The following BLTP3A variants were observed in gnomAD, a reference collection of about 807,000 sequenced individuals.
BLTP3A encodes bridge-like lipid transfer protein family member 3A.
the BLTP3A span, among the ~76,000 whole-genome samples, chr6:34,869,783 C>A: frequency 6.6e-6 from 1 of 151,300 alleles, no homozygotes; most frequent in African/African-American, 2.4e-5. Flanking sequence ...TCCTCAGTAG[C>A]CAGGACTACA....
At chr6:34,863,631 A>C in the BLTP3A span, among the ~76,000 whole-genome samples, 4 of 152,180 alleles carry the variant, frequency 2.6e-5, no homozygotes, top group Non-Finnish European at 4.4e-5. Flanking sequence ...GGTGCCTTAC[A>C]TACAGAAGCA....
At chr6:34,834,985 C>T in the BLTP3A span, 1 of 1,266,946 alleles carries the variant, frequency 7.9e-7, no homozygotes, top group Non-Finnish European at 1.1e-6. Flanking sequence ...GGGGGAAGGC[C>T]TGTAAATCAG....
the BLTP3A span, chr6:34,857,835 A>G: frequency 1.9e-6 from 3 of 1,614,140 alleles, no homozygotes; most frequent in South Asian, 1.1e-5. Flanking sequence ...AGCTTGGAGC[A>G]GTTCAAAGCT....
At chr6:34,855,777 T>C in the BLTP3A span, 28 of 1,600,142 alleles carry the variant, frequency 1.7e-5, no homozygotes, top group South Asian at 3.0e-4. Context: ...GATTCATCCC[T>C]GACCGCTTAA....
At chr6:34,834,098 T>A in the BLTP3A span, 5 of 1,131,978 alleles carry the variant, frequency 4.4e-6, no homozygotes, top group Non-Finnish European at 6.2e-6. Context: ...CAAGAACCTG[T>A]CTCAAAAAAA....
chr6:34,856,207 G>T, the BLTP3A span: 1 of 1,599,840 alleles, frequency 6.3e-7, no homozygotes, highest in African/African-American at 1.3e-5. Flanking sequence ...CATGATCTTG[G>T]GCTAAAATCT....
chr6:34,864,308 C>A, the BLTP3A span: 2 of 1,114,298 alleles, frequency 1.8e-6, no homozygotes, highest in Non-Finnish European at 2.5e-6. Context: ...ATAATATAGA[C>A]ATTTTCTTAA....
At chr6:34,857,429 A>G in the BLTP3A span, 1 of 1,614,182 alleles carries the variant, frequency 6.2e-7, no homozygotes, top group Non-Finnish European at 8.5e-7. Context: ...ATTCATATTG[A>G]GTTCACAGAG....
At chr6:34,835,530 A>C in the BLTP3A span, 1 of 1,510,254 alleles carries the variant, frequency 6.6e-7, no homozygotes, top group Non-Finnish European at 8.9e-7. Flanking sequence ...AACTCATACT[A>C]ATGTAGGTGG....
chr6:34,871,836 C>T, the BLTP3A span: 2 of 1,614,126 alleles, frequency 1.2e-6, no homozygotes. Flanking sequence ...TCAGGACAAA[C>T]CATCAGCTGA....
At chr6:34,805,897 C>T in the BLTP3A span, among the ~76,000 whole-genome samples, 1 of 152,058 alleles carries the variant, frequency 6.6e-6, no homozygotes, top group Non-Finnish European at 1.5e-5. Context: ...ATTATAAAAG[C>T]TTGTAGACTG....
At chr6:34,846,498 G>T in the BLTP3A span, among the ~76,000 whole-genome samples, 2 of 152,046 alleles carry the variant, frequency 1.3e-5, no homozygotes, top group Non-Finnish European at 1.5e-5. Context: ...CACTTCTCTG[G>T]TTAAGTTTAT....
chr6:34,814,117 A>G, the BLTP3A span, among the ~76,000 whole-genome samples: 1 of 152,138 alleles, frequency 6.6e-6, no homozygotes, highest in Admixed American at 6.6e-5. Flanking sequence ...CCTGGGTTCA[A>G]GCAATTCTTG....
chr6:34,835,226 G>T, the BLTP3A span: 10 of 1,531,288 alleles, frequency 6.5e-6, no homozygotes, highest in East Asian at 2.0e-4. Flanking sequence ...AACTGATTGG[G>T]CAACAGTCAC....
chr6:34,827,182 G>A, the BLTP3A span, among the ~76,000 whole-genome samples: 38 of 152,020 alleles, frequency 2.5e-4, no homozygotes, highest in East Asian at 6.2e-3. Context: ...GTGGTGGCGC[G>A]TGCCTGTAGT....
the BLTP3A span, among the ~76,000 whole-genome samples, chr6:34,865,107 A>C: frequency 2.0e-5 from 3 of 152,332 alleles, no homozygotes; most frequent in South Asian, 4.1e-4. Flanking sequence ...AAACTAATTA[A>C]CATCTCCGTC....
the BLTP3A span, among the ~76,000 whole-genome samples, chr6:34,823,906 T>G: frequency 1.3e-5 from 2 of 152,064 alleles, no homozygotes; most frequent in African/African-American, 2.4e-5. Flanking sequence ...ACTATAGTAC[T>G]TGAAAGCAAA....
chr6:34,852,958 G>A, the BLTP3A span, among the ~76,000 whole-genome samples: 3 of 152,130 alleles, frequency 2.0e-5, no homozygotes, highest in Non-Finnish European at 4.4e-5. Flanking sequence ...GAGTTCCAAT[G>A]CAAAGTCCCA....
the BLTP3A span, among the ~76,000 whole-genome samples, chr6:34,839,154 G>T: frequency 1.8e-3 from 268 of 152,206 alleles, 1 homozygote; most frequent in African/African-American, 6.0e-3. Flanking sequence ...GGAGGCTGAG[G>T]CAGGAGAATT....
Sources: gnomAD v4.1 joint callset for allele counts (sites outside exome capture counted in the v4.1 genomes callset) on GRCh38, gnomAD v4.1.1 for gene constraint, MANE v1.5 for transcripts, NCBI Gene and HGNC (gene_info 2026-07-23, HGNC 2026-07-21) for gene names.